Variants in UNC5D observed in about 807,000 individuals in gnomAD.
UNC5D encodes netrin receptor UNC5D.
In UNC5D, 39 loss-of-function variants were observed where a neutral mutation model predicts 105.4. The ratio of observed to expected loss-of-function variants is 0.37; its 90% CI spans 0.29 to 0.48. UNC5D has a LOEUF of 0.48. Ranked by LOEUF, UNC5D falls within the 20% of genes least tolerant of loss-of-function variation. The pLI is 0.98. For synonymous variants in UNC5D, 452 were observed against 450.4 expected (o/e 1.00, Z -0.04); for missense variants, 991 against 1,202.4 (o/e 0.82, Z 2.60).
In UNC5D at chr8:35,539,011, G is replaced by A. The variant is rs1815077023; in HGVS notation, c.104-10281G>A. Among the ~76,000 whole-genome samples the A allele has an allele frequency of 2.0e-5, 3 of 152,060 alleles. No homozygotes were observed. The South Asian group carries it at 6.2e-4, about 32-fold the overall frequency. On this transcript the variant is annotated intron_variant, in intron 1 of 16. Transcript: ENST00000404895. ...TGCAGAATTATAGTATCAATATAAAGTGAAAATTTTGATATAACTAAATGT... is the reference window on the plus strand; with the variant it reads ...TGCAGAATTATAGTATCAATATAAAATGAAAATTTTGATATAACTAAATGT...
At chr8:35,268,151 T>C (rs1425973946) in intron 1 of UNC5D, among the ~76,000 whole-genome samples, 2 of 152,226 alleles carry the variant, frequency 1.3e-5, no homozygotes, top group African/African-American at 4.8e-5. Flanking sequence ...AAATGTACTT[T>C]AATGTTTTCC....
chr8:35,724,373 A>AGAGATC, intron 9 of UNC5D: 1 of 1,447,416 alleles, frequency 6.9e-7, no homozygotes. Flanking sequence ...ACTGTCTTAG[A>AGAGATC]GAGATCCGTT....
intron 1 of UNC5D, among the ~76,000 whole-genome samples, 199 bp downstream of exon 1, chr8:35,236,086 C>T (rs1390272413): frequency 1.3e-5 from 2 of 152,236 alleles, no homozygotes; most frequent in Non-Finnish European, 2.9e-5. Context: ...CTGCCGCAAT[C>T]CTACAGGTGG....
chr8:35,787,039 A>AT (rs1802778099), intron 16 of UNC5D, among the ~76,000 whole-genome samples: 1 of 152,176 alleles, frequency 6.6e-6, no homozygotes, highest in Non-Finnish European at 1.5e-5. Flanking sequence ...CACTTAACAT[A>AT]TTGTTTCTGT....
At chr8:35,526,789 T>TA (rs200564583) in intron 1 of UNC5D, among the ~76,000 whole-genome samples, 1,532 of 148,106 alleles carry the variant, frequency 0.01, 36 homozygotes, top group African/African-American at 0.035. Flanking sequence ...CTCCCCTCAT[T>TA]AAAAAAAAAA....
At chr8:35,477,200 G>T (rs1005253335) in intron 1 of UNC5D, among the ~76,000 whole-genome samples, 9 of 152,042 alleles carry the variant, frequency 5.9e-5, no homozygotes, top group African/African-American at 2.2e-4. Flanking sequence ...TTCCATGGCC[G>T]AATTTTAACG....
At chr8:35,657,831 A>T (rs545797291) in intron 4 of UNC5D, among the ~76,000 whole-genome samples, 2 of 152,308 alleles carry the variant, frequency 1.3e-5, no homozygotes, top group African/African-American at 4.8e-5. Flanking sequence ...GCAAATATCT[A>T]TACATTTGAC....
At chr8:35,664,622 A>T (rs1010999765) in intron 4 of UNC5D, among the ~76,000 whole-genome samples, 5 of 151,648 alleles carry the variant, frequency 3.3e-5, no homozygotes, top group Non-Finnish European at 5.9e-5. Flanking sequence ...CAGGGGATCC[A>T]CCCGCCTCAG....
intron 1 of UNC5D, among the ~76,000 whole-genome samples, chr8:35,352,651 C>A (rs1051571030): frequency 1.3e-5 from 2 of 152,078 alleles, no homozygotes; most frequent in Non-Finnish European, 2.9e-5. Context: ...CTCACTCTGT[C>A]ACCCAGGCTG....
At chr8:35,311,212 T>A (rs1460528902) in intron 1 of UNC5D, among the ~76,000 whole-genome samples, 2 of 152,002 alleles carry the variant, frequency 1.3e-5, no homozygotes, top group African/African-American at 4.8e-5. Context: ...ACAGTGGAAG[T>A]GGGAATGTGT....
intron 16 of UNC5D, among the ~76,000 whole-genome samples, chr8:35,776,448 A>G (rs867985290): frequency 1.3e-5 from 2 of 152,210 alleles, no homozygotes; most frequent in East Asian, 3.9e-4. Flanking sequence ...AGTACCTCCA[A>G]AGTCATCAGT....
At chr8:35,369,274 C>G (rs1481230491) in intron 1 of UNC5D, among the ~76,000 whole-genome samples, 2 of 152,090 alleles carry the variant, frequency 1.3e-5, no homozygotes, top group Non-Finnish European at 2.9e-5. Flanking sequence ...ACCATTTGTC[C>G]TTGCATCCTC....
intron 1 of UNC5D, among the ~76,000 whole-genome samples, chr8:35,500,051 C>G (rs577404009): frequency 1.3e-5 from 2 of 152,298 alleles, no homozygotes; most frequent in East Asian, 3.9e-4. Flanking sequence ...AATTATCACC[C>G]TCACCTTTCA....
At chr8:35,630,614 G>A (rs1821979892) in intron 4 of UNC5D, among the ~76,000 whole-genome samples, 1 of 152,064 alleles carries the variant, frequency 6.6e-6, no homozygotes, top group African/African-American at 2.4e-5. Context: ...CTTGTCTTGG[G>A]TAAATTTCCA....
chr8:35,784,585 TA>T (rs1347087221), intron 16 of UNC5D, among the ~76,000 whole-genome samples: 2 of 151,916 alleles, frequency 1.3e-5, no homozygotes, highest in African/African-American at 4.8e-5. Flanking sequence ...CTGTATCTAC[TA>T]AAAGTACAAA....
intron 1 of UNC5D, among the ~76,000 whole-genome samples, chr8:35,329,860 A>G (rs937501788): frequency 6.6e-6 from 1 of 152,100 alleles, no homozygotes; most frequent in Non-Finnish European, 1.5e-5. Flanking sequence ...TGGATCTTCT[A>G]GCACTTGAGC....
chr8:35,642,229 C>T (rs1822792614), intron 4 of UNC5D, among the ~76,000 whole-genome samples: 1 of 152,136 alleles, frequency 6.6e-6, no homozygotes, highest in South Asian at 2.1e-4. Flanking sequence ...CTGCCTGTCA[C>T]CTCATTTTAT....
chr8:35,530,776 AG>A (rs1238555942), intron 1 of UNC5D, among the ~76,000 whole-genome samples: 20 of 140,430 alleles, frequency 1.4e-4, no homozygotes, highest in African/African-American at 5.7e-4. Flanking sequence ...TAGTCTTGGG[AG>A]AGTGTATGTG....
At chr8:35,495,534 C>G (rs1483985596) in intron 1 of UNC5D, among the ~76,000 whole-genome samples, 2 of 151,258 alleles carry the variant, frequency 1.3e-5, no homozygotes, top group Non-Finnish European at 2.9e-5. Context: ...TGTTGGGCCC[C>G]ATTCAAAGCT....
Sources: gnomAD v4.1 joint callset for allele counts (sites outside exome capture counted in the v4.1 genomes callset) on GRCh38, gnomAD v4.1.1 for gene constraint, MANE v1.5 for transcripts, NCBI Gene and HGNC (gene_info 2026-07-23, HGNC 2026-07-21) for gene names.